STAT4: variants seen among roughly 807,000 people sequenced by gnomAD.
STAT4 encodes the protein signal transducer and activator of transcription 4.
A neutral mutation model predicts 110.5 loss-of-function variants in STAT4; 42 were observed. The ratio of observed to expected loss-of-function variants is 0.38; its 90% CI spans 0.30 to 0.49. The LOEUF is 0.49. Among genes scored for constraint, STAT4 ranks in the 20% least tolerant of loss-of-function variants. STAT4 has a pLI of 0.95. For synonymous variants in STAT4, 284 were observed against 302.2 expected (o/e 0.94, Z 0.63); for missense variants, 632 against 887.9 (o/e 0.71, Z 3.66).
chr2:191,146,542 C>T lies in STAT4; in HGVS notation c.273+71G>A. Reference sequence around the variant, plus strand: ...TTCATTTGAAAATAATATAAGGGTACATATTTAATTTTTAACTAAATTTAA... The same window carrying T: ...TTCATTTGAAAATAATATAAGGGTATATATTTAATTTTTAACTAAATTTAA... On this transcript the variant is annotated intron_variant, in intron 3 of 23. Transcript: ENST00000392320. This position sits in a 1 kb window ranked among gnomAD's most constrained non-coding sequence, Gnocchi z 4.5. The T allele has an allele frequency of 1.6e-6, 2 of 1,253,278 alleles. No homozygotes were observed. Among genetic ancestry groups the T allele is most frequent in the Non-Finnish European group, 2.1e-6 (2 of 967,798 alleles). 77.6% of individuals were successfully genotyped at this position (1,253,278 alleles called of 1,614,324 possible).
intron 3 of STAT4, among the ~76,000 whole-genome samples, chr2:191,094,513 A>G (rs1355558002): frequency 6.6e-6 from 1 of 152,232 alleles, no homozygotes; most frequent in Non-Finnish European, 1.5e-5. Context: ...AAGGAGAAAT[A>G]AAATCCTTTA....
Position 191,044,096 on chromosome 2 carries a change from G to A in STAT4, c.1252-2948C>T, listed in dbSNP as rs1696281705. 7.9e-5 allele frequency among the ~76,000 whole-genome samples: 12 copies of A among 152,180 alleles called. 2 individuals carry two copies. The South Asian group carries it at 2.5e-3, about 32-fold the overall frequency. On this transcript the variant is annotated intron_variant, in intron 14 of 23. Coordinates refer to ENST00000392320, the MANE Select transcript of STAT4 (RefSeq NM_003151.4). ...CAAAGTTTGAATTTTTAAGCTATTT[G>A]ATGGGTGTTCATGCTATTATTCTTT...
rs1000901155 is a variant in STAT4 at position 191,113,717 on chromosome 2, T to C, written c.273+32896A>G. Among the ~76,000 whole-genome samples the C allele has an allele frequency of 3.9e-5, 6 of 152,036 alleles. No individual in the cohort carries two copies. The highest frequency in any genetic ancestry group is 1.2e-4 in the African/African-American group (5 of 41,408). ...AGTTTCATCAAAAGGAGCAGGGAAA[T>C]AGGATAGAGAAAAAATAATTACGGA... is the stretch of plus-strand genomic sequence containing the variant. On this transcript the variant is annotated intron_variant, in intron 3 of 23. Coordinates refer to ENST00000392320, the MANE Select transcript of STAT4 (RefSeq NM_003151.4). This position sits in a 1 kb window ranked among gnomAD's most constrained non-coding sequence, Gnocchi z 4.8.
chr2:191,081,534 C>T (rs1697480939), intron 3 of STAT4, among the ~76,000 whole-genome samples: 1 of 152,210 alleles, frequency 6.6e-6, no homozygotes, highest in African/African-American at 2.4e-5. Context: ...GATTGTCATG[C>T]TAACTGGCGT....
At chr2:191,126,553 C>T (rs1285527221) in intron 3 of STAT4, among the ~76,000 whole-genome samples, 3 of 152,208 alleles carry the variant, frequency 2.0e-5, no homozygotes, top group African/African-American at 7.2e-5. Flanking sequence ...ATCTCCCCAC[C>T]CACTTCCTCA....
chr2:191,057,206 G>A (rs770464514), intron 13 of STAT4, among the ~76,000 whole-genome samples: 1 of 152,068 alleles, frequency 6.6e-6, no homozygotes, highest in Non-Finnish European at 1.5e-5. Flanking sequence ...ACTACCATTC[G>A]ACTGTCTGCC....
chr2:191,127,166 T>C lies in STAT4; in HGVS notation c.273+19447A>G, dbSNP rs551296796. 3.5e-4 allele frequency among the ~76,000 whole-genome samples: 53 copies of C among 152,242 alleles called. 1 individual carries two copies. Among genetic ancestry groups the C allele is most frequent in the Middle Eastern group, 3.4e-3 (1 of 294 alleles). On this transcript the variant is annotated intron_variant, in intron 3 of 23. Coordinates refer to ENST00000392320, the MANE Select transcript of STAT4 (RefSeq NM_003151.4). ...TCAGTGTCAGAATTCTCCAATATTC[T>C]TTTGCCTACAGCAGACAAGGGGTGG...
Position 191,080,855 on chromosome 2 carries a change from AT to A in STAT4, c.274-4531del, listed in dbSNP as rs941378854. ...AATACCTTTGAAAAAGTTCTTTAAA[AT>A]TTTTTTTTGTTATACTTTAAGTTCT... On this transcript the variant is annotated intron_variant, in intron 3 of 23. Transcript: ENST00000392320. 5.8e-4 allele frequency among the ~76,000 whole-genome samples: 88 copies of A among 151,602 alleles called. 1 individual carries two copies. The East Asian group carries it at 0.016, about 27-fold the overall frequency.
intron 3 of STAT4, among the ~76,000 whole-genome samples, chr2:191,095,383 T>A (rs10178640): frequency 0.74 from 113,211 of 152,002 alleles, 42,422 homozygotes; most frequent in Non-Finnish European, 0.77. Context: ...CCTCAGCAAA[T>A]GTAAAAGAAC....
chr2:191,136,774 T>C (rs1372695702), intron 3 of STAT4, among the ~76,000 whole-genome samples: 1 of 152,122 alleles, frequency 6.6e-6, no homozygotes, highest in Non-Finnish European at 1.5e-5. Flanking sequence ...AAATTTGTCC[T>C]TCTTTGCTGA....
At chr2:191,126,669 G>C (rs940298931) in intron 3 of STAT4, among the ~76,000 whole-genome samples, 1 of 152,174 alleles carries the variant, frequency 6.6e-6, no homozygotes, top group Non-Finnish European at 1.5e-5. Context: ...TTCTGTTACA[G>C]CTGTCAGGCC....
chr2:191,093,363 AGCAATATTTGTTGTTCT>A (rs1356527287), intron 3 of STAT4, among the ~76,000 whole-genome samples: 6 of 152,194 alleles, frequency 3.9e-5, no homozygotes, highest in African/African-American at 1.4e-4. Flanking sequence ...AGGATCAGGC[AGCAATATTTGTTGTTCT>A]GCAATATTTG....
chr2:191,096,887 A>G (rs1698001223), intron 3 of STAT4, among the ~76,000 whole-genome samples: 1 of 152,214 alleles, frequency 6.6e-6, no homozygotes, highest in Non-Finnish European at 1.5e-5. Context: ...TCTCAGCCCA[A>G]AACCTCCTTA....
At position 191,140,547 on chromosome 2, in the gene STAT4, C is replaced by T. The variant is rs1313029625; in HGVS notation, c.273+6066G>A. Among the ~76,000 whole-genome samples, 5 of 152,156 alleles carry T rather than the reference C, an allele frequency of 3.3e-5. No homozygotes were observed. The East Asian group carries it at 5.8e-4, about 18-fold the overall frequency. ...AATTAAAAACCACAATGAGATACCA[C>T]CTTACTCCTGCGAGAATGGCCATAA... On this transcript the variant is annotated intron_variant, in intron 3 of 23. Coordinates refer to ENST00000392320, the MANE Select transcript of STAT4 (RefSeq NM_003151.4). The surrounding 1 kb of genome is among the most constrained non-coding windows in gnomAD (Gnocchi z 4.4).
At chr2:191,038,700 T>G (rs1452425574) in intron 16 of STAT4, among the ~76,000 whole-genome samples, 3 of 152,208 alleles carry the variant, frequency 2.0e-5, no homozygotes, top group African/African-American at 4.8e-5. Context: ...CAGATAGCAT[T>G]AAAACCCAGC....
chr2:191,031,349 AC>A lies in STAT4; in HGVS notation c.2111+100del, dbSNP rs1253774852. 3 of 1,222,358 alleles carry A rather than the reference AC, an allele frequency of 2.5e-6. No individual in the cohort carries two copies. The African/African-American group carries it at 4.6e-5, about 19-fold the overall frequency. 75.7% of individuals were successfully genotyped at this position (1,222,358 alleles called of 1,614,324 possible). On this transcript the variant is annotated intron_variant, in intron 22 of 23. Transcript: ENST00000392320. The surrounding 1 kb of genome is among the most constrained non-coding windows in gnomAD (Gnocchi z 4.8). ...TAAAGGAAATGGGACATTGCACATT[AC>A]AATGCTTTGTTCTCAGTTATGTGTA... is the stretch of plus-strand genomic sequence containing the variant.
chr2:191,071,700 G>C (rs952661309), intron 5 of STAT4, among the ~76,000 whole-genome samples: 3 of 152,188 alleles, frequency 2.0e-5, no homozygotes, highest in African/African-American at 7.2e-5. Flanking sequence ...GAGAAACTGA[G>C]GTTATGGCAT....
chr2:191,030,932 A>G lies in STAT4; in HGVS notation c.2220+40T>C. 1 of 1,587,522 alleles carries G rather than the reference A, an allele frequency of 6.3e-7. No individual in the cohort carries two copies. The highest frequency in any genetic ancestry group is 8.6e-7 in the Non-Finnish European group (1 of 1,156,216). On this transcript the variant is annotated intron_variant, in intron 23 of 23. Transcript: ENST00000392320. This position sits in a 1 kb window ranked among gnomAD's most constrained non-coding sequence, Gnocchi z 4.4. ...TCACACACCACCTTTGCATCGTTGG[A>G]AACACCTTTGACCAGCAATGGAAAA...
rs529920864 is a variant in STAT4 at position 191,102,717 on chromosome 2, C to T, written c.274-26392G>A. Among the ~76,000 whole-genome samples the T allele has an allele frequency of 1.2e-4, 18 of 152,230 alleles. No homozygotes were observed. In the East Asian group the frequency reaches 2.7e-3, roughly 23 times the overall value. On this transcript the variant is annotated intron_variant, in intron 3 of 23. Coordinates refer to ENST00000392320, the MANE Select transcript of STAT4 (RefSeq NM_003151.4). Reference sequence around the variant, plus strand: ...TTGAAATTTCCATGTCAAGATAAGGCATTGAACATACTTTAATTGAATCTC... The same window carrying T: ...TTGAAATTTCCATGTCAAGATAAGGTATTGAACATACTTTAATTGAATCTC...
Sources: gnomAD v4.1 joint callset for allele counts (sites outside exome capture counted in the v4.1 genomes callset) on GRCh38, gnomAD v4.1.1 for gene constraint, Gnocchi (gnomAD v3.1) non-coding constraint, MANE v1.5 for transcripts, NCBI Gene and HGNC (gene_info 2026-07-23, HGNC 2026-07-21) for gene names.